COL28A1: variants seen among roughly 807,000 people sequenced by gnomAD.
The protein encoded by COL28A1 is collagen type XXVIII alpha 1 chain.
Under a neutral mutation model 150.2 loss-of-function variants are expected in COL28A1, and 161 were observed. That is an observed-to-expected ratio of 1.07 (90% CI 0.94 to 1.22). The LOEUF (loss-of-function observed/expected upper bound fraction) is 1.22, where lower values mean the gene tolerates loss of function less well. Ranked by LOEUF, COL28A1 falls within the 50% of genes most tolerant of loss-of-function variation. The pLI is 0.00. For synonymous variants in COL28A1, 552 were observed against 469.7 expected (o/e 1.18, Z -2.26); for missense variants, 1,617 against 1,388.3 (o/e 1.16, Z -2.62).
At chr7:7,498,158 T>C (rs1313917513) in intron 11 of COL28A1, among the ~76,000 whole-genome samples, 1 of 152,174 alleles carries the variant, frequency 6.6e-6, no homozygotes, top group Non-Finnish European at 1.5e-5. Flanking sequence ...CCTACAAACA[T>C]GGCAATTCAT....
At chr7:7,500,207 C>G (rs1184090483) in intron 11 of COL28A1, among the ~76,000 whole-genome samples, 1 of 152,190 alleles carries the variant, frequency 6.6e-6, no homozygotes, top group Non-Finnish European at 1.5e-5. Context: ...TGAATCTTCC[C>G]AATGACCTCA....
chr7:7,361,629 A>T (rs567174597), intron 33 of COL28A1, among the ~76,000 whole-genome samples: 1 of 152,314 alleles, frequency 6.6e-6, no homozygotes, highest in African/African-American at 2.4e-5. Flanking sequence ...TTGGCTGCAT[A>T]AATGTCTTCT....
intron 33 of COL28A1, among the ~76,000 whole-genome samples, chr7:7,370,446 A>G (rs1420873018): frequency 1.3e-5 from 2 of 152,204 alleles, no homozygotes; most frequent in African/African-American, 4.8e-5. Flanking sequence ...TTCAGCATAC[A>G]TGGTTACTTT....
chr7:7,541,380 G>T, the COL28A1 span, among the ~76,000 whole-genome samples: 1 of 151,902 alleles, frequency 6.6e-6, no homozygotes, highest in African/African-American at 2.4e-5. Flanking sequence ...CAGAAATAAA[G>T]TACCTATTAT....
Position 7,474,678 on chromosome 7 carries a change from A to C in COL28A1, c.1234-9T>G. On this transcript the variant is annotated splice_polypyrimidine_tract_variant and intron_variant, in intron 14 of 34. Transcript: ENST00000399429. ...TCAGAACCTTTTTCACCCTGAAAGT[A>C]CAAGGGAGGGATATCAATGCACCAA... 1 of 1,241,226 alleles carries C rather than the reference A, an allele frequency of 8.1e-7. No individual in the cohort carries two copies. The allele number at this position is 1,241,226 out of a possible 1,614,324, so 76.9% of individuals were successfully genotyped here.
At chr7:7,439,389 A>C (rs1415434215) in intron 21 of COL28A1, among the ~76,000 whole-genome samples, 1 of 152,222 alleles carries the variant, frequency 6.6e-6, no homozygotes, top group African/African-American at 2.4e-5. Context: ...CCTTTGACAA[A>C]GGAACAGAAC....
At chr7:7,511,444 T>C (rs1174231239) in intron 8 of COL28A1, among the ~76,000 whole-genome samples, 1 of 152,218 alleles carries the variant, frequency 6.6e-6, no homozygotes, top group Non-Finnish European at 1.5e-5. Flanking sequence ...AGATGCCCTT[T>C]GCATATGTGG....
intron 27 of COL28A1, among the ~76,000 whole-genome samples, chr7:7,408,464 T>C (rs1025535931): frequency 6.6e-6 from 1 of 152,180 alleles, no homozygotes; most frequent in Non-Finnish European, 1.5e-5. Flanking sequence ...CTTAAGGTGT[T>C]TGTAAGAGCA....
chr7:7,506,558 T>C (rs1318647226), intron 10 of COL28A1, among the ~76,000 whole-genome samples: 9 of 152,142 alleles, frequency 5.9e-5, no homozygotes, highest in Non-Finnish European at 1.0e-4. Flanking sequence ...CTTTTTGAAA[T>C]ACTGAAATTA....
chr7:7,400,313 A>G (rs1304831127), intron 27 of COL28A1, among the ~76,000 whole-genome samples: 2 of 152,152 alleles, frequency 1.3e-5, no homozygotes, highest in Non-Finnish European at 2.9e-5. Flanking sequence ...AGGCAGAGGG[A>G]GATTTGACAG....
intron 30 of COL28A1, among the ~76,000 whole-genome samples, chr7:7,376,259 G>T (rs556129748): frequency 4.7e-4 from 71 of 152,234 alleles, no homozygotes; most frequent in African/African-American, 1.7e-3. Flanking sequence ...CAGAAGCCTA[G>T]ATCTCAACAG....
At chr7:7,451,703 A>G (rs1440968004) in intron 18 of COL28A1, among the ~76,000 whole-genome samples, 1 of 152,180 alleles carries the variant, frequency 6.6e-6, no homozygotes, top group Non-Finnish European at 1.5e-5. Context: ...TATATTACAC[A>G]TATGTATAAA....
In COL28A1 at chr7:7,381,690, T is replaced by TA. The variant is rs547436883; in HGVS notation, c.2137-79dup. ...CTATTCTTTGGGTCAGAAACACACT[T>TA]ACGGTTTAAAACTGCATTATAGTAT... is the stretch of plus-strand genomic sequence containing the variant. On this transcript the variant is annotated intron_variant, in intron 27 of 34. Transcript: ENST00000399429. 1,621 of 958,224 alleles carry TA rather than the reference T, an allele frequency of 1.7e-3. 10 individuals are homozygous for TA. Among genetic ancestry groups the TA allele is most frequent in the Admixed American group, 2.7e-3 (151 of 56,620 alleles). The allele number at this position is 958,224 out of a possible 1,614,324, so 59.4% of individuals were successfully genotyped here.
chr7:7,501,011 G>A (rs1403940974), intron 11 of COL28A1, among the ~76,000 whole-genome samples: 1 of 152,154 alleles, frequency 6.6e-6, no homozygotes, highest in African/African-American at 2.4e-5. Flanking sequence ...TGGGATGAAT[G>A]TTTGTGTCAT....
intron 15 of COL28A1, among the ~76,000 whole-genome samples, chr7:7,472,619 T>A (rs12666561): frequency 0.12 from 18,623 of 152,044 alleles, 1,228 homozygotes; most frequent in Middle Eastern, 0.22. Flanking sequence ...CACAAATTCA[T>A]TGAAATTCCC....
chr7:7,452,862 G>A (rs376195749), intron 17 of COL28A1, among the ~76,000 whole-genome samples: 24 of 152,164 alleles, frequency 1.6e-4, no homozygotes, highest in African/African-American at 5.3e-4. Flanking sequence ...TCTAGGGAGT[G>A]TGTTCTAAGG....
chr7:7,474,555 C>T (rs1211611539), intron 15 of COL28A1, 46 bp downstream of exon 15: 1 of 865,106 alleles, frequency 1.2e-6, no homozygotes, highest in Admixed American at 1.8e-5. Context: ...AGAACAATGA[C>T]AATTTTATTG....
At chr7:7,477,867 C>T (rs1281265431) in intron 13 of COL28A1, among the ~76,000 whole-genome samples, 1 of 152,182 alleles carries the variant, frequency 6.6e-6, no homozygotes, top group Non-Finnish European at 1.5e-5. Flanking sequence ...GTCCATTTTA[C>T]AGAGAGCCGA....
rs552641151 is a variant in COL28A1 at position 7,375,587 on chromosome 7, T to G, written c.2323-90A>C. 1.0e-4 allele frequency: 74 copies of G among 714,596 alleles called. 1 individual carries two copies. In the South Asian group the frequency reaches 2.6e-3, roughly 25 times the overall value. The allele number at this position is 714,596 out of a possible 1,614,324, so 44.3% of individuals were successfully genotyped here. Reference sequence around the variant, plus strand: ...AAAGATATCTCATTACAATCAGCACTGGACCATTTGATTTAATCCTTCCAC... The same window carrying G: ...AAAGATATCTCATTACAATCAGCACGGGACCATTTGATTTAATCCTTCCAC... On this transcript the variant is annotated intron_variant, in intron 30 of 34. Coordinates refer to ENST00000399429, the MANE Select transcript of COL28A1 (RefSeq NM_001037763.3).
Sources: gnomAD v4.1 joint callset for allele counts (sites outside exome capture counted in the v4.1 genomes callset) on GRCh38, gnomAD v4.1.1 for gene constraint, MANE v1.5 for transcripts, NCBI Gene and HGNC (gene_info 2026-07-23, HGNC 2026-07-21) for gene names.